Variants in PPP4R4 observed in about 807,000 individuals in gnomAD.
PPP4R4 encodes serine/threonine-protein phosphatase 4 regulatory subunit 4.
Under a neutral mutation model 121.8 loss-of-function variants are expected in PPP4R4, and 70 were observed. The ratio of observed to expected loss-of-function variants is 0.57; its 90% CI spans 0.47 to 0.70. PPP4R4 has a LOEUF of 0.70. Ranked by LOEUF, PPP4R4 falls within the 30% of genes least tolerant of loss-of-function variation. PPP4R4 has a pLI of 0.00. For missense variants in PPP4R4, 875 were observed against 1,033.6 expected (o/e 0.85, Z 2.10); for synonymous variants, 348 against 355.7 (o/e 0.98, Z 0.24).
chr14:94,189,938 T>C (rs1234989614), intron 2 of PPP4R4, among the ~76,000 whole-genome samples: 2 of 152,214 alleles, frequency 1.3e-5, no homozygotes, highest in South Asian at 4.1e-4. Flanking sequence ...TCCTGAATGA[T>C]TGAACATGTC....
intron 3 of PPP4R4, among the ~76,000 whole-genome samples, chr14:94,208,935 G>A (rs1354712455): frequency 1.3e-5 from 2 of 151,762 alleles, no homozygotes; most frequent in Non-Finnish European, 2.9e-5. Context: ...TAATTGAGCT[G>A]ATATTCCTAA....
intron 2 of PPP4R4, among the ~76,000 whole-genome samples, chr14:94,197,763 ATAGTT>A (rs1889961853): frequency 6.6e-6 from 1 of 152,120 alleles, no homozygotes; most frequent in Non-Finnish European, 1.5e-5. Context: ...TTCTGCCACT[ATAGTT>A]CAGTTTGTAT....
intron 5 of PPP4R4, among the ~76,000 whole-genome samples, chr14:94,231,830 A>G (rs1892054008): frequency 6.6e-6 from 1 of 152,148 alleles, no homozygotes; most frequent in Non-Finnish European, 1.5e-5. Context: ...AATATTCTTA[A>G]GCTTTTGACT....
At chr14:94,265,262 T>G (rs1893979558) in intron 20 of PPP4R4, 125 bp from the exon 21 acceptor site, 1 of 684,458 alleles carries the variant, frequency 1.5e-6, no homozygotes, top group African/African-American at 1.8e-5. Context: ...CAAGTAAGAA[T>G]ATTTGGAAAA....
chr14:94,250,174 T>C lies in PPP4R4; in HGVS notation c.1614T>C (p.Asn538=). 6.3e-7 allele frequency: 1 copy of C among 1,599,884 alleles called. No individual in the cohort carries two copies. The highest frequency in any genetic ancestry group is 8.6e-7 in the Non-Finnish European group (1 of 1,167,436). ...QRMFTIMMTN[N]VLPVQKAASR... is the part of the protein sequence containing the mutation. ...TCTGTCTTACTTACTTCTTCAAGAA[T>C]GTTTTACCTGTCCAAAAGGCGGCTT... Residue 538 remains asparagine (N), a splice_region_variant and synonymous_variant, in exon 15 of 25, where the codon AAT becomes AAC. Transcript: ENST00000304338.
chr14:94,175,123 C>G (rs1210881462), intron 1 of PPP4R4, among the ~76,000 whole-genome samples: 2 of 152,086 alleles, frequency 1.3e-5, no homozygotes, highest in African/African-American at 4.8e-5. Context: ...CTCCTCCCCC[C>G]ACCTCTCCCG....
chr14:94,222,973 T>A (rs1482060300), intron 3 of PPP4R4, among the ~76,000 whole-genome samples: 2 of 152,152 alleles, frequency 1.3e-5, no homozygotes, highest in Non-Finnish European at 2.9e-5. Flanking sequence ...TGTTTTATTC[T>A]AATACACCTT....
At chr14:94,195,099 T>C (rs1030969200) in intron 2 of PPP4R4, among the ~76,000 whole-genome samples, 3 of 152,198 alleles carry the variant, frequency 2.0e-5, no homozygotes, top group African/African-American at 7.2e-5. Context: ...TCCGCTTCAT[T>C]TGGGCAAACT....
At position 94,174,452 on chromosome 14, in the gene PPP4R4, G is replaced by A; in HGVS notation, c.-14G>A. 3.2e-6 allele frequency: 5 copies of A among 1,579,952 alleles called. No homozygotes were observed. The highest frequency in any genetic ancestry group is 3.4e-6 in the Non-Finnish European group (4 of 1,165,158). ...GGCCGCTCCGGCCCGGGCGGCGAGA[G>A]TGCCCGGCGGTCCATGCATCCGCCG... On this transcript the variant is annotated 5_prime_UTR_variant, in exon 1 of 25. It adds an upstream start codon to the 5' untranslated region. Coordinates refer to ENST00000304338, the MANE Select transcript of PPP4R4 (RefSeq NM_058237.2).
intron 11 of PPP4R4, among the ~76,000 whole-genome samples, chr14:94,242,978 T>C (rs1040662841): frequency 6.6e-6 from 1 of 152,162 alleles, no homozygotes; most frequent in Admixed American, 6.6e-5. Flanking sequence ...ATGCCGTGGT[T>C]GCAATAAATA....
chr14:94,252,470 T>G (rs1893239577), intron 16 of PPP4R4, among the ~76,000 whole-genome samples: 1 of 152,200 alleles, frequency 6.6e-6, no homozygotes, highest in African/African-American at 2.4e-5. Flanking sequence ...TTTTGTCCTT[T>G]TTCTCTCCAA....
At chr14:94,257,770 A>G (rs746445376) in intron 17 of PPP4R4, among the ~76,000 whole-genome samples, 6 of 152,078 alleles carry the variant, frequency 3.9e-5, no homozygotes, top group African/African-American at 7.2e-5. Flanking sequence ...TAAACATGAG[A>G]TGGTTAATTA....
intron 5 of PPP4R4, among the ~76,000 whole-genome samples, chr14:94,233,296 A>AT (rs1446274218): frequency 1.3e-5 from 2 of 152,232 alleles, no homozygotes; most frequent in African/African-American, 4.8e-5. Flanking sequence ...TATAAAAATT[A>AT]ATCTATATGG....
Position 94,231,327 on chromosome 14 carries a change from A to T in PPP4R4, c.516+12A>T. ...CCCTACGGCATGAGGTAATACTTTC[A>T]TGGGGGCAAATACTAATAAGTAAGT... On this transcript the variant is annotated intron_variant, in intron 5 of 24. Transcript: ENST00000304338. 6.3e-7 allele frequency: 1 copy of T among 1,583,450 alleles called. No individual in the cohort carries two copies. The highest frequency in any genetic ancestry group is 1.1e-5 in the South Asian group (1 of 89,620).
In PPP4R4 at chr14:94,246,381, C is replaced by G. The variant is rs554146706; in HGVS notation, c.1453C>G (p.Pro485Ala). ...NKLSSLPDLI[P>A]ALTAAEQRAA... is the part of the protein sequence containing the mutation. ...GTTATCTTCTCTGCCTGACTTGATTCCAGCACTCACAGCTGCTGAACAGCG... is the reference window on the plus strand; with the variant it reads ...GTTATCTTCTCTGCCTGACTTGATTGCAGCACTCACAGCTGCTGAACAGCG... The change falls in exon 14 of 25, where the codon CCA becomes GCA. Residue 485 changes from proline to alanine, a missense_variant. Pro to Ala is a conservative substitution (Grantham distance 27, BLOSUM62 -1). Transcript: ENST00000304338. 7 of 1,607,236 alleles carry G rather than the reference C, an allele frequency of 4.4e-6. No homozygotes were observed. The South Asian group carries it at 7.8e-5, about 18-fold the overall frequency.
At chr14:94,215,213 T>G (rs1339743083) in intron 3 of PPP4R4, among the ~76,000 whole-genome samples, 2 of 152,226 alleles carry the variant, frequency 1.3e-5, no homozygotes, top group Non-Finnish European at 2.9e-5. Context: ...TATACTCATT[T>G]TACAGTTCGG....
rs1412161458 is a variant in PPP4R4 at position 94,259,277 on chromosome 14, A to G, written c.2053-18A>G. On this transcript the variant is annotated intron_variant, in intron 18 of 24. Transcript: ENST00000304338. ...CTCATCACTAATGTTTCACAATTTC[A>G]TTTTAAACTTTAAACAGTTTCAGAA... The G allele has an allele frequency of 6.3e-7, 1 of 1,594,180 alleles. No individual in the cohort carries two copies. Among genetic ancestry groups the G allele is most frequent in the Non-Finnish European group, 8.5e-7 (1 of 1,171,660 alleles).
intron 2 of PPP4R4, among the ~76,000 whole-genome samples, chr14:94,178,909 G>T (rs1318095619): frequency 6.6e-6 from 1 of 152,118 alleles, no homozygotes; most frequent in South Asian, 2.1e-4. Flanking sequence ...TATGTATACT[G>T]TGCTTTCATT....
At chr14:94,212,866 A>G (rs1890817931) in intron 3 of PPP4R4, among the ~76,000 whole-genome samples, 1 of 152,206 alleles carries the variant, frequency 6.6e-6, no homozygotes, top group Admixed American at 6.5e-5. Flanking sequence ...AGGTGATTCC[A>G]TTACAATCCA....
Sources: gnomAD v4.1 joint callset for allele counts (sites outside exome capture counted in the v4.1 genomes callset) on GRCh38, gnomAD v4.1.1 for gene constraint, MANE v1.5 for transcripts, NCBI Gene and HGNC (gene_info 2026-07-23, HGNC 2026-07-21) for gene names.